SLMAP: variants seen among roughly 807,000 people sequenced by gnomAD.
SLMAP encodes sarcolemma associated protein, also known as sarcolemmal membrane-associated protein.
In SLMAP, 44 loss-of-function variants were observed where a neutral mutation model predicts 128.8. The observed-to-expected ratio is 0.34, with a 90% CI of 0.27 to 0.44. SLMAP has a LOEUF of 0.44. SLMAP is among the 20% of genes least tolerant of loss of function. The pLI, the probability that SLMAP is intolerant of heterozygous loss-of-function variation, is 1.00. For missense variants in SLMAP, 787 were observed against 985.3 expected (o/e 0.80, Z 2.69); for synonymous variants, 327 against 348.8 (o/e 0.94, Z 0.70).
intron 2 of SLMAP, among the ~76,000 whole-genome samples, chr3:57,810,413 G>A (rs1222943871): frequency 6.6e-6 from 1 of 152,094 alleles, no homozygotes; most frequent in Non-Finnish European, 1.5e-5. Context: ...CTCAGGCAAG[G>A]GCACCACCAG....
chr3:57,885,743 T>C (rs1383822876), intron 14 of SLMAP, among the ~76,000 whole-genome samples: 1 of 148,200 alleles, frequency 6.7e-6, no homozygotes, highest in Non-Finnish European at 1.5e-5. Flanking sequence ...GTTGTTGTTA[T>C]TGTTGTTTTG....
At chr3:57,853,181 G>A (rs1454480073) in intron 6 of SLMAP, among the ~76,000 whole-genome samples, 1 of 152,170 alleles carries the variant, frequency 6.6e-6, no homozygotes, top group Non-Finnish European at 1.5e-5. Context: ...GTGATTTCCT[G>A]AATGTTAGGA....
intron 5 of SLMAP, among the ~76,000 whole-genome samples, chr3:57,848,970 A>G (rs558888522): frequency 1.7e-4 from 26 of 151,422 alleles, no homozygotes; most frequent in African/African-American, 5.8e-4. Context: ...CGGCCTCCCA[A>G]AGTGCTGGGA....
At chr3:57,823,290 T>C (rs1005483937) in intron 2 of SLMAP, among the ~76,000 whole-genome samples, 4 of 152,246 alleles carry the variant, frequency 2.6e-5, no homozygotes, top group Non-Finnish European at 5.9e-5. Flanking sequence ...TACATGTATA[T>C]ACATGTGCCA....
Position 57,929,882 on chromosome 3 carries a change from T to C in SLMAP, c.*2593T>C, listed in dbSNP as rs1221326435. Among the ~76,000 whole-genome samples, 1 of 152,250 alleles carries C rather than the reference T, an allele frequency of 6.6e-6. No individual in the cohort carries two copies. The highest frequency in any genetic ancestry group is 1.5e-5 in the Non-Finnish European group (1 of 68,038). On this transcript the variant is annotated 3_prime_UTR_variant, in exon 25 of 25. Coordinates refer to ENST00000671191, the MANE Select transcript of SLMAP (RefSeq NM_001377540.1). ...CATTAAAAAGATAATGTATGTGAAG[T>C]ACCATTCGAGTGGTGAATACGTTTT...
intron 15 of SLMAP, among the ~76,000 whole-genome samples, chr3:57,895,940 T>C (rs1336666778): frequency 6.9e-6 from 1 of 145,374 alleles, no homozygotes; most frequent in Non-Finnish European, 1.5e-5. Context: ...CAAGACGCTG[T>C]CTCAAAAAAA....
chr3:57,914,385 C>A lies in SLMAP; in HGVS notation c.2138+1110C>A, dbSNP rs763240488. On this transcript the variant is annotated intron_variant, in intron 21 of 24. Transcript: ENST00000671191. ...GTCTAGCCTGGGCAACAGAGCCAGT[C>A]CCATGTCTCAAGAAAACATGAATAA... Among the ~76,000 whole-genome samples, 59 of 151,956 alleles carry A rather than the reference C, an allele frequency of 3.9e-4. 1 individual carries two copies. The highest frequency in any genetic ancestry group is 7.5e-4 in the Non-Finnish European group (51 of 68,018).
chr3:57,788,423 A>ACCTC (rs1277976174), intron 2 of SLMAP, among the ~76,000 whole-genome samples: 1 of 152,192 alleles, frequency 6.6e-6, no homozygotes, highest in Non-Finnish European at 1.5e-5. Flanking sequence ...GAGGACAGTT[A>ACCTC]GAGGTAAATT....
chr3:57,820,055 T>G (rs2092360491), intron 2 of SLMAP, among the ~76,000 whole-genome samples: 1 of 152,128 alleles, frequency 6.6e-6, no homozygotes, highest in African/African-American at 2.4e-5. Flanking sequence ...CTGGTCTGTG[T>G]GAGGGTTTTT....
At chr3:57,794,472 G>T (rs1278792100) in intron 2 of SLMAP, among the ~76,000 whole-genome samples, 1 of 152,086 alleles carries the variant, frequency 6.6e-6, no homozygotes, top group African/African-American at 2.4e-5. Flanking sequence ...CTTTTTAAGT[G>T]TACACTATAG....
chr3:57,813,637 G>C (rs984844100), intron 2 of SLMAP, among the ~76,000 whole-genome samples: 1 of 152,132 alleles, frequency 6.6e-6, no homozygotes, highest in Non-Finnish European at 1.5e-5. Flanking sequence ...TATTTAAGTA[G>C]TATTTGTATT....
intron 20 of SLMAP, 103 bp downstream of exon 20, chr3:57,912,804 A>C: frequency 1.2e-6 from 1 of 831,490 alleles, no homozygotes; most frequent in Middle Eastern, 3.5e-4. Flanking sequence ...TTTGTTAGCT[A>C]TCAGTTGTAT....
At chr3:57,854,462 G>T (rs2094673830) in intron 6 of SLMAP, among the ~76,000 whole-genome samples, 1 of 152,120 alleles carries the variant, frequency 6.6e-6, no homozygotes. Context: ...GCTGGGCATG[G>T]TGGTGTGCAC....
chr3:57,833,873 G>A (rs1367533534), intron 3 of SLMAP, among the ~76,000 whole-genome samples: 2 of 151,692 alleles, frequency 1.3e-5, no homozygotes, highest in Non-Finnish European at 2.9e-5. Flanking sequence ...TGTTAAGCAC[G>A]GGCTCTTGGG....
intron 2 of SLMAP, among the ~76,000 whole-genome samples, chr3:57,829,981 A>G (rs188975687): frequency 6.6e-6 from 1 of 152,316 alleles, no homozygotes; most frequent in East Asian, 1.9e-4. Flanking sequence ...GATACTTAAT[A>G]TACCTGCATC....
At chr3:57,801,969 A>G (rs2088552521) in intron 2 of SLMAP, among the ~76,000 whole-genome samples, 1 of 152,136 alleles carries the variant, frequency 6.6e-6, no homozygotes, top group Non-Finnish European at 1.5e-5. Context: ...TTAAATTTTT[A>G]TATTTCAAGG....
intron 14 of SLMAP, among the ~76,000 whole-genome samples, chr3:57,886,253 G>T (rs539219363): frequency 6.7e-6 from 1 of 150,270 alleles, no homozygotes; most frequent in Non-Finnish European, 1.5e-5. Flanking sequence ...ACAGGTGCCC[G>T]CCACCTGGCT....
At chr3:57,789,969 T>A (rs1443724878) in intron 2 of SLMAP, among the ~76,000 whole-genome samples, 1 of 152,162 alleles carries the variant, frequency 6.6e-6, no homozygotes, top group African/African-American at 2.4e-5. Context: ...CCCAAGTAGC[T>A]GGGATTATAG....
intron 3 of SLMAP, among the ~76,000 whole-genome samples, chr3:57,837,167 G>A (rs1301550227): frequency 6.6e-6 from 1 of 152,016 alleles, no homozygotes; most frequent in East Asian, 1.9e-4. Flanking sequence ...TGATCCTCAG[G>A]GCTGGACAAG....
Sources: gnomAD v4.1 joint callset for allele counts (sites outside exome capture counted in the v4.1 genomes callset) on GRCh38, gnomAD v4.1.1 for gene constraint, MANE v1.5 for transcripts, NCBI Gene and HGNC (gene_info 2026-07-23, HGNC 2026-07-21) for gene names.